Variants in TTC39A observed in about 807,000 individuals in gnomAD.
The protein encoded by TTC39A is tetratricopeptide repeat domain 39A.
In TTC39A, 46 loss-of-function variants were observed where a neutral mutation model predicts 82.3. The ratio of observed to expected loss-of-function variants is 0.56; its 90% CI spans 0.44 to 0.71. The LOEUF (loss-of-function observed/expected upper bound fraction) is 0.71, where lower values mean the gene tolerates loss of function less well. TTC39A is among the 30% of genes least tolerant of loss of function. The pLI is 0.00. For missense variants in TTC39A, 543 were observed against 712.9 expected (o/e 0.76, Z 2.71); for synonymous variants, 254 against 275.2 (o/e 0.92, Z 0.76).
chr1:51,339,648 G>A (rs1293218071), intron 1 of TTC39A, among the ~76,000 whole-genome samples: 2 of 152,162 alleles, frequency 1.3e-5, no homozygotes, highest in Admixed American at 6.5e-5. Flanking sequence ...GCCTGGCCAG[G>A]CATGGTGGCT....
intron 2 of TTC39A, among the ~76,000 whole-genome samples, chr1:51,317,845 G>C (rs1275905246): frequency 6.6e-6 from 1 of 152,194 alleles, no homozygotes; most frequent in Non-Finnish European, 1.5e-5. Flanking sequence ...TACTTCCCAC[G>C]TGAGATAACA....
At chr1:51,302,698 C>T in intron 9 of TTC39A, 125 bp from the exon 10 acceptor site, 1 of 1,044,610 alleles carries the variant, frequency 9.6e-7, no homozygotes, top group Non-Finnish European at 1.4e-6. Flanking sequence ...AGATAATTCT[C>T]CCTGTCCCTA....
At chr1:51,340,926 C>T (rs778815385) in intron 1 of TTC39A, among the ~76,000 whole-genome samples, 1 of 152,200 alleles carries the variant, frequency 6.6e-6, no homozygotes, top group Non-Finnish European at 1.5e-5. Flanking sequence ...AATCCCAACA[C>T]TTTGGGAGGC....
chr1:51,308,801 G>T (rs899099455), intron 6 of TTC39A, among the ~76,000 whole-genome samples: 1 of 152,216 alleles, frequency 6.6e-6, no homozygotes, highest in Non-Finnish European at 1.5e-5. Flanking sequence ...ATGTGTGTGT[G>T]TGTGCGTGCA....
Position 51,330,030 on chromosome 1 carries a change from A to G in TTC39A, c.41+407T>C. ...AGAACTGAGTTCAAATCCCACCCGC[A>G]ACTCTTACCTCCTGGGTGACCGATG... On this transcript the variant is annotated intron_variant, in intron 1 of 17. Transcript: ENST00000680483. The surrounding 1 kb of genome is among the most constrained non-coding windows in gnomAD (Gnocchi z 4.5). 1.6e-6 allele frequency: 1 copy of G among 623,288 alleles called. No homozygotes were observed. Among genetic ancestry groups the G allele is most frequent in the Non-Finnish European group, 2.0e-6 (1 of 499,410 alleles). 38.6% of individuals were successfully genotyped at this position (623,288 alleles called of 1,614,324 possible).
intron 1 of TTC39A, among the ~76,000 whole-genome samples, chr1:51,341,634 G>A (rs1024726425): frequency 3.9e-5 from 6 of 152,042 alleles, no homozygotes; most frequent in Admixed American, 6.6e-5. Flanking sequence ...TCACACTAGA[G>A]CCCTCTCCTA....
At chr1:51,338,594 TTATC>T (rs1034666517) in intron 1 of TTC39A, among the ~76,000 whole-genome samples, 12 of 149,918 alleles carry the variant, frequency 8.0e-5, no homozygotes, top group African/African-American at 2.7e-4. Context: ...GAGTGGAGAT[TTATC>T]TTTTTTTTTT....
chr1:51,294,682 AT>A lies in TTC39A; in HGVS notation c.1146-172del, dbSNP rs1644348677. ...TCTAGGTCTGAAATAGCCTGCGGCTATAATTTTAGAGACCCTGCCCCAAGAC... is the reference window on the plus strand; with the variant it reads ...TCTAGGTCTGAAATAGCCTGCGGCTAAATTTTAGAGACCCTGCCCCAAGAC... On this transcript the variant is annotated intron_variant, in intron 13 of 17. Coordinates refer to ENST00000680483, the MANE Select transcript of TTC39A (RefSeq NM_001297663.2). The surrounding 1 kb of genome is among the most constrained non-coding windows in gnomAD (Gnocchi z 4.3). Among the ~76,000 whole-genome samples the A allele has an allele frequency of 6.6e-6, 1 of 152,324 alleles. No homozygotes were observed. Among genetic ancestry groups the A allele is most frequent in the African/African-American group, 2.4e-5 (1 of 41,572 alleles).
chr1:51,324,190 T>C (rs544645465), intron 1 of TTC39A, among the ~76,000 whole-genome samples: 1 of 152,224 alleles, frequency 6.6e-6, no homozygotes. Context: ...CCAGAAATGC[T>C]GTCTAACTTT....
chr1:51,303,205 G>A lies in TTC39A; in HGVS notation c.655-13C>T. ...GCAGCCCATAGTCCTGAGGGGATGG[G>A]AGGGTGGGTGAGGCTCCCAGAGAGG... On this transcript the variant is annotated splice_polypyrimidine_tract_variant and intron_variant, in intron 8 of 17. Coordinates refer to ENST00000680483, the MANE Select transcript of TTC39A (RefSeq NM_001297663.2). 1 of 1,280,242 alleles carries A rather than the reference G, an allele frequency of 7.8e-7. No homozygotes were observed. Among genetic ancestry groups the A allele is most frequent in the Non-Finnish European group, 1.1e-6 (1 of 904,964 alleles). The allele number at this position is 1,280,242 out of a possible 1,614,324, so 79.3% of individuals were successfully genotyped here. A position where few individuals can be genotyped will look rare whatever the true frequency, so the allele number is the denominator to read the frequency against.
chr1:51,320,021 G>A (rs60987818), intron 2 of TTC39A, among the ~76,000 whole-genome samples: 8 of 152,184 alleles, frequency 5.3e-5, no homozygotes, highest in Middle Eastern at 3.4e-3. Flanking sequence ...GACATTCCCT[G>A]GCAAATGAGG....
Position 51,301,677 on chromosome 1 carries a change from G to A in TTC39A, c.948C>T (p.His316=). 1 of 1,613,620 alleles carries A rather than the reference G, an allele frequency of 6.2e-7. No homozygotes were observed. Among genetic ancestry groups the A allele is most frequent in the Non-Finnish European group, 8.5e-7 (1 of 1,179,578 alleles). ...ACATCAGCTCCCAGTAGCACATGTG[G>A]TGGAACTGCTTCCAGTGCTGCTGGG... ...CEAQQHWKQF[H]HMCYWELMWC... The change falls in exon 12 of 18, where the codon CAC becomes CAT. Residue 316 remains histidine, a synonymous_variant. Transcript: ENST00000680483.
Position 51,288,934 on chromosome 1 carries a change from G to T in TTC39A, c.1515C>A (p.Asp505Glu). ...GCAGGGCGTTTGGGATCAAGTAGTG[G>T]TCATATTTAATCTTCTTTTCACTGC... ...ISANEKKIKYDHYLIPNALLE... is the reference protein window; with the variant it reads ...ISANEKKIKYEHYLIPNALLE... The change falls in exon 17 of 18, where the codon GAC becomes GAA. Residue 505 changes from aspartate (D) to glutamate (E), a missense_variant. By Grantham distance (45) the Asp-to-Glu change is conservative. Coordinates refer to ENST00000680483, the MANE Select transcript of TTC39A (RefSeq NM_001297663.2). The surrounding 1 kb of genome is among the most constrained non-coding windows in gnomAD (Gnocchi z 4.8). 6.2e-7 allele frequency: 1 copy of T among 1,608,064 alleles called. No individual in the cohort carries two copies. The highest frequency in any genetic ancestry group is 8.5e-7 in the Non-Finnish European group (1 of 1,177,226).
chr1:51,294,515 C>T lies in TTC39A; in HGVS notation c.1146-4G>A, dbSNP rs763285277. ...GAGCTTCAGGCCTGGCACAGCTCTG[C>T]GAAAGAGATGGGGAGGGTGGGAGAG... On this transcript the variant is annotated splice_region_variant and splice_polypyrimidine_tract_variant and intron_variant, in intron 13 of 17. Coordinates refer to ENST00000680483, the MANE Select transcript of TTC39A (RefSeq NM_001297663.2). The surrounding 1 kb of genome is among the most constrained non-coding windows in gnomAD (Gnocchi z 4.3). 23 of 1,613,630 alleles carry T rather than the reference C, an allele frequency of 1.4e-5. No homozygotes were observed. Among genetic ancestry groups the T allele is most frequent in the South Asian group, 3.3e-5 (3 of 91,062 alleles).
intron 1 of TTC39A, chr1:51,322,077 AG>A (rs1645547118): frequency 6.5e-7 from 1 of 1,546,120 alleles, no homozygotes; most frequent in African/African-American, 1.4e-5. Context: ...GGAGGGGCCA[AG>A]GGCAAGGTGC....
Position 51,327,261 on chromosome 1 carries a change from A to G in TTC39A, c.41+3176T>C, listed in dbSNP as rs574238114. Among the ~76,000 whole-genome samples, 975 of 152,350 alleles carry G rather than the reference A, an allele frequency of 6.4e-3. 2 individuals are homozygous for G. The highest frequency in any genetic ancestry group is 0.011 in the Non-Finnish European group (716 of 68,020). ...AGCGGTCGCTCAGGAAGCCAACTGC[A>G]GTCAGAGCTGGATTTTAATCCCTGC... On this transcript the variant is annotated intron_variant, in intron 1 of 17. Transcript: ENST00000680483.
intron 5 of TTC39A, 152 bp from the exon 6 acceptor site, chr1:51,309,477 T>C (rs1569884111): frequency 1.0e-5 from 15 of 1,471,258 alleles, no homozygotes; most frequent in Non-Finnish European, 1.3e-5. Flanking sequence ...CTCCCTGCTC[T>C]TTGGCCCAAC....
At chr1:51,306,268 A>G (rs1569863049) in intron 6 of TTC39A, among the ~76,000 whole-genome samples, 192 bp from the exon 7 acceptor site, 1 of 152,118 alleles carries the variant, frequency 6.6e-6, no homozygotes, top group South Asian at 2.1e-4. Flanking sequence ...CACCCCCTGA[A>G]TTTCAGCCGT....
rs11551135 is a variant in TTC39A at position 51,287,920 on chromosome 1, G to A, written c.*237C>T. 43 of 517,808 alleles carry A rather than the reference G, an allele frequency of 8.3e-5. No homozygotes were observed. The highest frequency in any genetic ancestry group is 6.6e-4 in the Admixed American group (21 of 31,868). The allele number at this position is 517,808 out of a possible 1,614,324, so 32.1% of individuals were successfully genotyped here. On this transcript the variant is annotated 3_prime_UTR_variant, in exon 18 of 18. Transcript: ENST00000680483. ...ACATCACAGTGAAAAGCAAGTACCC[G>A]TATGTGTGATAGGGCAGGCAGAGGG... is the stretch of plus-strand genomic sequence containing the variant.
Sources: allele counts gnomAD v4.1 joint callset (sites outside exome capture counted in the v4.1 genomes callset), GRCh38; gene constraint gnomAD v4.1.1; non-coding constraint Gnocchi (gnomAD v3.1); transcripts MANE v1.5; gene names NCBI Gene and HGNC (gene_info 2026-07-23, HGNC 2026-07-21).